The following PRKG1 variants were observed in gnomAD, a reference collection of about 807,000 sequenced individuals.
The protein encoded by PRKG1 is protein kinase cGMP-dependent 1.
A neutral mutation model predicts 88.1 loss-of-function variants in PRKG1; 35 were observed. The ratio of observed to expected loss-of-function variants is 0.40; its 90% CI spans 0.30 to 0.53. The LOEUF (loss-of-function observed/expected upper bound fraction) is 0.53. PRKG1 is among the 20% of genes least tolerant of loss of function. The pLI is 0.59. For missense variants in PRKG1, 540 were observed against 839.8 expected, an observed-to-expected ratio of 0.64 and a Z score of 4.41; for synonymous variants, 303 against 292.5, an observed-to-expected ratio of 1.04 and a Z score of -0.37.
chr10:51,342,014 G>C (rs1390814543), intron 2 of PRKG1, among the ~76,000 whole-genome samples: 5 of 152,130 alleles, frequency 3.3e-5, no homozygotes, highest in African/African-American at 4.8e-5. Context: ...ATTATTACAA[G>C]TCAAGGTGAG....
chr10:51,966,751 C>T (rs1022203133), intron 5 of PRKG1, among the ~76,000 whole-genome samples: 4 of 152,190 alleles, frequency 2.6e-5, no homozygotes, highest in Non-Finnish European at 5.9e-5. Context: ...GTGCCACTTT[C>T]ACTCTCCTTT....
rs575317742 is a variant in PRKG1 at position 51,650,914 on chromosome 10, A to G, written c.593-153671A>G. Among the ~76,000 whole-genome samples the G allele has an allele frequency of 6.6e-5, 10 of 152,292 alleles. No homozygotes were observed. In the South Asian group the frequency reaches 2.1e-3, roughly 32 times the overall value. On this transcript the variant is annotated intron_variant, in intron 3 of 17. Transcript: ENST00000373980. ...TGGTACCTGTGATCTCACCAAAAGT[A>G]TCTGTCCTAAAACTCGTTTTACATT...
At chr10:51,582,686 T>C (rs558260686) in intron 3 of PRKG1, among the ~76,000 whole-genome samples, 2 of 152,276 alleles carry the variant, frequency 1.3e-5, no homozygotes, top group East Asian at 3.9e-4. Flanking sequence ...TACCACATTT[T>C]CTTTATCCAG....
intron 2 of PRKG1, among the ~76,000 whole-genome samples, chr10:51,444,859 A>T (rs189211481): frequency 6.6e-6 from 1 of 152,096 alleles, no homozygotes; most frequent in African/African-American, 2.4e-5. Context: ...GAGATATTAC[A>T]TAAGTCAACT....
intron 4 of PRKG1, among the ~76,000 whole-genome samples, chr10:51,862,958 A>C (rs1398654253): frequency 6.6e-6 from 1 of 152,146 alleles, no homozygotes; most frequent in Non-Finnish European, 1.5e-5. Context: ...TACTGATAGC[A>C]CATAAATTTT....
intron 3 of PRKG1, among the ~76,000 whole-genome samples, chr10:51,729,611 G>A (rs528243368): frequency 2.4e-4 from 35 of 146,940 alleles, no homozygotes; most frequent in Admixed American, 2.3e-3. Flanking sequence ...GGAGGCTGAG[G>A]CAGGAGAATT....
Position 51,225,757 on chromosome 10 carries a change from TA to T in PRKG1, c.478+72434del, listed in dbSNP as rs576260974. On this transcript the variant is annotated intron_variant, in intron 2 of 17. Coordinates refer to ENST00000373980, the MANE Select transcript of PRKG1 (RefSeq NM_006258.4). ...AGACTTTAAAAAATCTCATTGTCAT[TA>T]AAAAAATACTGATTTAGAAAAGTTC... Among the ~76,000 whole-genome samples the T allele has an allele frequency of 7.0e-3, 1,068 of 152,144 alleles. 12 individuals are homozygous for T. The highest frequency in any genetic ancestry group is 0.024 in the African/African-American group (998 of 41,490).
chr10:51,294,287 G>C (rs1333610234), intron 2 of PRKG1, among the ~76,000 whole-genome samples: 1 of 151,938 alleles, frequency 6.6e-6, no homozygotes, highest in Non-Finnish European at 1.5e-5. Flanking sequence ...AAAATATCAT[G>C]ATCCAAATTA....
chr10:51,598,587 T>TAGTC (rs1838518204), intron 3 of PRKG1, among the ~76,000 whole-genome samples: 1 of 152,190 alleles, frequency 6.6e-6, no homozygotes, highest in African/African-American at 2.4e-5. Flanking sequence ...TATAATAGAT[T>TAGTC]AGTCACTCGA....
chr10:52,080,874 T>C (rs1287839072), intron 7 of PRKG1, among the ~76,000 whole-genome samples: 2 of 152,208 alleles, frequency 1.3e-5, no homozygotes, highest in Non-Finnish European at 2.9e-5. Context: ...ATGTCATTCC[T>C]CTAGCTGTCC....
chr10:52,167,663 T>C (rs1838523927), intron 9 of PRKG1, among the ~76,000 whole-genome samples: 1 of 151,564 alleles, frequency 6.6e-6, no homozygotes, highest in Non-Finnish European at 1.5e-5. Flanking sequence ...AAAAACACCT[T>C]TGAATACATT....
chr10:51,106,457 C>T (rs749741461), intron 1 of PRKG1, among the ~76,000 whole-genome samples: 2 of 152,244 alleles, frequency 1.3e-5, no homozygotes, highest in Non-Finnish European at 2.9e-5. Flanking sequence ...CCAAGAAACT[C>T]CCTAATGAAA....
At chr10:51,059,539 C>T (rs573356052) in intron 1 of PRKG1, among the ~76,000 whole-genome samples, 42 of 152,050 alleles carry the variant, frequency 2.8e-4, no homozygotes, top group African/African-American at 7.5e-4. Context: ...TGAGATTATG[C>T]GCATGAGCCG....
At chr10:52,170,297 A>G (rs1406250649) in intron 9 of PRKG1, among the ~76,000 whole-genome samples, 1 of 152,174 alleles carries the variant, frequency 6.6e-6, no homozygotes, top group Non-Finnish European at 1.5e-5. Flanking sequence ...TCTCCTCATC[A>G]TGCACCTAAA....
intron 10 of PRKG1, among the ~76,000 whole-genome samples, chr10:52,263,609 C>A (rs1246341911): frequency 6.7e-6 from 1 of 148,846 alleles, no homozygotes; most frequent in Non-Finnish European, 1.5e-5. Flanking sequence ...CAGGGTCTTG[C>A]TCTGTCACCC....
chr10:51,444,981 G>C (rs1413579689), intron 2 of PRKG1, among the ~76,000 whole-genome samples: 1 of 151,918 alleles, frequency 6.6e-6, no homozygotes, highest in Admixed American at 6.6e-5. Context: ...AGGGACAATG[G>C]TTAGAGAGTA....
At chr10:51,947,199 T>C (rs1298165886) in intron 5 of PRKG1, among the ~76,000 whole-genome samples, 1 of 152,138 alleles carries the variant, frequency 6.6e-6, no homozygotes, top group Non-Finnish European at 1.5e-5. Context: ...CGCTGCCGCC[T>C]TGCAGTTTGA....
intron 1 of PRKG1, among the ~76,000 whole-genome samples, chr10:51,128,242 A>G (rs1181124481): frequency 1.3e-4 from 1 of 7,754 alleles, no homozygotes; most frequent in African/African-American, 2.0e-4. Flanking sequence ...GAATATAAAT[A>G]TATCAATTCG....
chr10:51,377,389 A>G (rs186491399), intron 2 of PRKG1, among the ~76,000 whole-genome samples: 63 of 152,334 alleles, frequency 4.1e-4, no homozygotes, highest in African/African-American at 1.4e-3. Context: ...AATGAAGGCC[A>G]TTACTATCAT....
Sources: allele counts gnomAD v4.1 joint callset (sites outside exome capture counted in the v4.1 genomes callset), GRCh38; gene constraint gnomAD v4.1.1; transcripts MANE v1.5; gene names NCBI Gene and HGNC (gene_info 2026-07-23, HGNC 2026-07-21).